The following JAKMIP2 variants were observed in gnomAD, a reference collection of about 807,000 sequenced individuals.
The protein encoded by JAKMIP2 is janus kinase and microtubule interacting protein 2, also known as janus kinase and microtubule-interacting protein 2.
In JAKMIP2, 25 loss-of-function variants were observed where a neutral mutation model predicts 115.0. The observed-to-expected ratio is 0.22, with a 90% confidence interval of 0.16 to 0.30. The LOEUF (loss-of-function observed/expected upper bound fraction) is 0.30. JAKMIP2 is among the 10% of genes least tolerant of loss of function. The pLI is 1.00. For missense variants in JAKMIP2, 642 were observed against 957.6 expected, an observed-to-expected ratio of 0.67 and a Z score of 4.35; for synonymous variants, 334 against 343.6, an observed-to-expected ratio of 0.97 and a Z score of 0.31.
chr5:147,706,741 G>A lies in JAKMIP2; in HGVS notation c.-148-34787C>T, dbSNP rs1319629249. On this transcript the variant is annotated intron_variant, in intron 1 of 21. Transcript: ENST00000616793. ...GCTCTTCAGAGCATTTTGGATTTCG[G>A]ATTTTTTGGATTAGGGATGCTCAAC... Among the ~76,000 whole-genome samples the A allele has an allele frequency of 2.0e-5, 3 of 152,116 alleles. No homozygotes were observed. In the East Asian group the frequency reaches 5.8e-4, roughly 29 times the overall value.
In JAKMIP2 at chr5:147,702,670, G is replaced by A. The variant is rs199540469; in HGVS notation, c.-148-30716C>T. Among the ~76,000 whole-genome samples, 229 of 118,730 alleles carry A rather than the reference G, an allele frequency of 1.9e-3. 6 individuals are homozygous for A. In the East Asian group the frequency reaches 0.024, roughly 13 times the overall value. 77.9% of individuals were successfully genotyped at this position (118,730 alleles called of 152,430 possible). The stretch of plus-strand genomic sequence containing the variant: ...AAAGAAAGAAAGAAAGAAAGAGAGA[G>A]AAAGAAAGAGAAAGAAAGAAAAGAA... On this transcript the variant is annotated intron_variant, in intron 1 of 21. Coordinates refer to ENST00000616793, the MANE Select transcript of JAKMIP2 (RefSeq NM_001270941.2).
chr5:147,609,818 A>C (rs1756219112), intron 20 of JAKMIP2, among the ~76,000 whole-genome samples: 1 of 152,214 alleles, frequency 6.6e-6, no homozygotes, highest in African/African-American at 2.4e-5. Flanking sequence ...TACACCAATC[A>C]AACATAGGTT....
chr5:147,669,039 T>A (rs1395071575), intron 2 of JAKMIP2, among the ~76,000 whole-genome samples: 1 of 152,220 alleles, frequency 6.6e-6, no homozygotes, highest in African/African-American at 2.4e-5. Context: ...TTCCACTTTT[T>A]AACTTATCCA....
chr5:147,710,108 G>A (rs972755440), intron 1 of JAKMIP2, among the ~76,000 whole-genome samples: 3 of 152,134 alleles, frequency 2.0e-5, no homozygotes, highest in Non-Finnish European at 4.4e-5. Flanking sequence ...AATGAGTCAG[G>A]AAATATGAAC....
Position 147,671,692 on chromosome 5 carries a change from G to T in JAKMIP2, c.115C>A (p.Gln39Lys). The T allele has an allele frequency of 6.6e-7, 1 of 1,507,966 alleles. No individual in the cohort carries two copies. 93.4% of individuals were successfully genotyped at this position (1,507,966 alleles called of 1,614,324 possible). The change falls in exon 2 of 22, where the codon CAA becomes AAA. Residue 39 changes from glutamine to lysine, a missense_variant. Physicochemically the swap from Gln to Lys is moderately conservative, Grantham distance 53. Coordinates refer to ENST00000616793, the MANE Select transcript of JAKMIP2 (RefSeq NM_001270941.2). ...CCCTCGCTCACCTTGGACTTCTCTT[G>T]ATGCAGCTCTATCTGAATGTCTGTG... ...KLTDIQIELH[Q>K]EKSKVSKLER...
intron 1 of JAKMIP2, among the ~76,000 whole-genome samples, chr5:147,696,990 T>A (rs1752130604): frequency 6.6e-6 from 1 of 152,100 alleles, no homozygotes; most frequent in Admixed American, 6.6e-5. Flanking sequence ...CATAAAAGTT[T>A]GGAAAATTTG....
At chr5:147,775,957 C>T (rs904065958) in intron 1 of JAKMIP2, among the ~76,000 whole-genome samples, 26 of 151,784 alleles carry the variant, frequency 1.7e-4, no homozygotes, top group African/African-American at 4.4e-4. Flanking sequence ...ACTTTTGATA[C>T]GTATTATGAA....
rs533170170 is a variant in JAKMIP2 at position 147,660,445 on chromosome 5, T to C, written c.627+503A>G. ...CTAGGGATTTTATCATTTTGTATCTTTTTTCAGTCATGGTTTCTGGAAGAA... is the reference window on the plus strand; with the variant it reads ...CTAGGGATTTTATCATTTTGTATCTCTTTTCAGTCATGGTTTCTGGAAGAA... On this transcript the variant is annotated intron_variant, in intron 3 of 21. Coordinates refer to ENST00000616793, the MANE Select transcript of JAKMIP2 (RefSeq NM_001270941.2). 8.1e-4 allele frequency: 368 copies of C among 453,632 alleles called. 4 individuals carry two copies. The highest frequency in any genetic ancestry group is 6.8e-3 in the African/African-American group (339 of 50,090). The allele number at this position is 453,632 out of a possible 1,614,324, so 28.1% of individuals were successfully genotyped here.
At chr5:147,602,447 C>T (rs1368937268) in intron 20 of JAKMIP2, among the ~76,000 whole-genome samples, 32 of 152,112 alleles carry the variant, frequency 2.1e-4, no homozygotes, top group Admixed American at 2.1e-3. Flanking sequence ...TCTGGTCATG[C>T]TATTGGTATA....
intron 11 of JAKMIP2, 122 bp downstream of exon 11, chr5:147,636,843 T>G: frequency 1.3e-6 from 1 of 781,030 alleles, no homozygotes; most frequent in Admixed American, 1.8e-5. Flanking sequence ...CTAACGCAGT[T>G]CGAGAAAGAT....
intron 2 of JAKMIP2, among the ~76,000 whole-genome samples, chr5:147,662,995 GA>G (rs140604834): frequency 3.4e-5 from 5 of 145,550 alleles, no homozygotes; most frequent in South Asian, 2.2e-4. Flanking sequence ...CAAAAAAGAA[GA>G]AAAAAAAAAG....
At chr5:147,706,417 C>A (rs983904332) in intron 1 of JAKMIP2, among the ~76,000 whole-genome samples, 2 of 152,262 alleles carry the variant, frequency 1.3e-5, no homozygotes, top group African/African-American at 2.4e-5. Context: ...CTCCTGGACT[C>A]AAGCAATCTT....
intron 1 of JAKMIP2, among the ~76,000 whole-genome samples, chr5:147,744,761 T>C (rs1232215664): frequency 6.6e-6 from 1 of 152,068 alleles, no homozygotes; most frequent in African/African-American, 2.4e-5. Context: ...CTTGTGTGGA[T>C]ATAGTTTAAA....
At chr5:147,676,452 G>A (rs546668658) in intron 1 of JAKMIP2, among the ~76,000 whole-genome samples, 17 of 152,314 alleles carry the variant, frequency 1.1e-4, no homozygotes, top group African/African-American at 3.6e-4. Flanking sequence ...CAGATTATCC[G>A]GAGGAAGGAT....
At chr5:147,606,287 A>G (rs897649862) in intron 20 of JAKMIP2, among the ~76,000 whole-genome samples, 11 of 151,876 alleles carry the variant, frequency 7.2e-5, no homozygotes, top group African/African-American at 2.7e-4. Flanking sequence ...TATTGCCTAG[A>G]TTTTCTTCTA....
At chr5:147,643,606 T>C (rs987858234) in intron 7 of JAKMIP2, among the ~76,000 whole-genome samples, 1 of 152,216 alleles carries the variant, frequency 6.6e-6, no homozygotes, top group Non-Finnish European at 1.5e-5. Context: ...TGTAATTATA[T>C]TGTTGCTGTT....
chr5:147,694,217 C>T (rs1751997558), intron 1 of JAKMIP2, among the ~76,000 whole-genome samples: 1 of 134,248 alleles, frequency 7.4e-6, no homozygotes, highest in African/African-American at 3.2e-5. Context: ...GGGAAGATTC[C>T]AAGTTTTTTT....
chr5:147,666,587 T>C (rs773189847), intron 2 of JAKMIP2, among the ~76,000 whole-genome samples: 1 of 152,132 alleles, frequency 6.6e-6, no homozygotes, highest in Non-Finnish European at 1.5e-5. Flanking sequence ...TCACAAGTTG[T>C]GATAAGAAAA....
chr5:147,692,759 G>T (rs1561542095), intron 1 of JAKMIP2, among the ~76,000 whole-genome samples: 2 of 152,164 alleles, frequency 1.3e-5, no homozygotes, highest in African/African-American at 2.4e-5. Context: ...CGGTCCATTT[G>T]AAAGCATAAT....
Sources: gnomAD v4.1 joint callset for allele counts (sites outside exome capture counted in the v4.1 genomes callset) on GRCh38, gnomAD v4.1.1 for gene constraint, MANE v1.5 for transcripts, NCBI Gene and HGNC (gene_info 2026-07-23, HGNC 2026-07-21) for gene names.